The following LAMC2 variants were observed in gnomAD, a reference collection of about 807,000 sequenced individuals.
LAMC2 encodes the protein laminin subunit gamma-2.
LAMC2 carries 97 observed loss-of-function variants against 140.2 expected under a neutral mutation model. The ratio of observed to expected loss-of-function variants is 0.69; its 90% confidence interval spans 0.59 to 0.82. The LOEUF is 0.82. Among genes scored for constraint, LAMC2 ranks in the 40% least tolerant of loss-of-function variants. The pLI is 0.00. For synonymous variants in LAMC2, 513 were observed against 540.2 expected (o/e 0.95, Z 0.70); for missense variants, 1,402 against 1,476.1 (o/e 0.95, Z 0.82).
the LAMC2 span, among the ~76,000 whole-genome samples, chr1:183,258,641 T>A: frequency 1.3e-5 from 2 of 152,160 alleles, no homozygotes; most frequent in African/African-American, 4.8e-5. Flanking sequence ...AAATTACGGT[T>A]TAGGAGTCAT....
At chr1:183,224,695 C>CACACACACAG (rs1041559613) in intron 7 of LAMC2, among the ~76,000 whole-genome samples, 1 of 152,082 alleles carries the variant, frequency 6.6e-6, no homozygotes, top group African/African-American at 2.4e-5. Context: ...CACACACACA[C>CACACACACAG]ACACACACAC....
intron 1 of LAMC2, among the ~76,000 whole-genome samples, chr1:183,194,514 G>GTT (rs765168801): frequency 2.0e-5 from 3 of 150,714 alleles, no homozygotes; most frequent in Non-Finnish European, 3.0e-5. Flanking sequence ...AAGATTTATT[G>GTT]TTTTTTTTTA....
intron 4 of LAMC2, 104 bp from the exon 5 acceptor site, chr1:183,220,721 G>A: frequency 8.3e-7 from 1 of 1,208,386 alleles, no homozygotes. Flanking sequence ...AAAATTAATA[G>A]GGCCAAATGG....
chr1:183,216,630 G>T (rs969502678), intron 3 of LAMC2, among the ~76,000 whole-genome samples: 1 of 152,136 alleles, frequency 6.6e-6, no homozygotes, highest in Non-Finnish European at 1.5e-5. Flanking sequence ...AGCGCCTCCT[G>T]CTCCATCCCC....
At chr1:183,233,474 G>A (rs556470206) in intron 14 of LAMC2, among the ~76,000 whole-genome samples, 1 of 152,294 alleles carries the variant, frequency 6.6e-6, no homozygotes, top group African/African-American at 2.4e-5. Context: ...GAATAAAGAA[G>A]GTTATGGTAA....
intron 1 of LAMC2, among the ~76,000 whole-genome samples, chr1:183,188,152 C>T (rs375602117): frequency 1.6e-4 from 25 of 152,348 alleles, no homozygotes; most frequent in African/African-American, 5.3e-4. Context: ...ACCACTGAGG[C>T]TCATTGCCAC....
intron 8 of LAMC2, 44 bp from the exon 9 acceptor site, chr1:183,226,654 A>G: frequency 6.6e-7 from 1 of 1,507,790 alleles, no homozygotes; most frequent in Non-Finnish European, 9.2e-7. Flanking sequence ...TGAGATCTTT[A>G]GACTGTACCA....
chr1:183,230,876 C>T (rs1659778094), intron 11 of LAMC2, 85 bp from the exon 12 acceptor site: 2 of 1,488,968 alleles, frequency 1.3e-6, no homozygotes, highest in Non-Finnish European at 1.9e-6. Flanking sequence ...CTGTTGGAGG[C>T]TTGATCTCCT....
At chr1:183,194,876 C>T (rs1021474275) in intron 1 of LAMC2, among the ~76,000 whole-genome samples, 2 of 152,162 alleles carry the variant, frequency 1.3e-5, no homozygotes, top group Non-Finnish European at 2.9e-5. Flanking sequence ...AAATGTATAA[C>T]CCTTTATTTC....
chr1:183,239,934 C>A, intron 20 of LAMC2, 106 bp from the exon 21 acceptor site: 1 of 1,229,346 alleles, frequency 8.1e-7, no homozygotes, highest in Non-Finnish European at 1.2e-6. Flanking sequence ...TAATTTACTC[C>A]ATCAGGGCCC....
intron 1 of LAMC2, among the ~76,000 whole-genome samples, chr1:183,189,718 AAAG>A (rs1357421035): frequency 2.0e-5 from 3 of 152,314 alleles, no homozygotes; most frequent in Non-Finnish European, 4.4e-5. Flanking sequence ...GAGGAAAATC[AAAG>A]AAGAAGAGGG....
At chr1:183,201,096 T>C (rs1386073723) in intron 1 of LAMC2, among the ~76,000 whole-genome samples, 25 of 152,016 alleles carry the variant, frequency 1.6e-4, no homozygotes, top group Admixed American at 1.6e-3. Context: ...AATCAAGGAT[T>C]TGGAGGGAGC....
At chr1:183,227,394 C>T (rs970010172) in intron 9 of LAMC2, 121 bp from the exon 10 acceptor site, 7 of 975,514 alleles carry the variant, frequency 7.2e-6, no homozygotes, top group Admixed American at 5.1e-5. Flanking sequence ...AGTGCTCAGG[C>T]ACTTTGGGGA....
At chr1:183,231,734 G>A (rs1376262736) in intron 12 of LAMC2, among the ~76,000 whole-genome samples, 1 of 152,150 alleles carries the variant, frequency 6.6e-6, no homozygotes, top group African/African-American at 2.4e-5. Flanking sequence ...GAAGACAAAG[G>A]CCCAAACAGA....
At chr1:183,201,454 ACT>A (rs1336904695) in intron 1 of LAMC2, among the ~76,000 whole-genome samples, 1 of 151,698 alleles carries the variant, frequency 6.6e-6, no homozygotes, top group East Asian at 1.9e-4. Flanking sequence ...TGTCAGGGGC[ACT>A]CCCTGCTTCC....
At chr1:183,209,514 G>A (rs1200370603) in intron 2 of LAMC2, among the ~76,000 whole-genome samples, 1 of 152,170 alleles carries the variant, frequency 6.6e-6, no homozygotes, top group Non-Finnish European at 1.5e-5. Context: ...TTGTTGTGTG[G>A]AATTTGCATC....
chr1:183,255,946 G>C, the LAMC2 span, among the ~76,000 whole-genome samples: 1 of 151,894 alleles, frequency 6.6e-6, no homozygotes, highest in African/African-American at 2.4e-5. Flanking sequence ...TTATAGGTGT[G>C]AGCCACCGTG....
At chr1:183,205,142 G>T (rs550031269) in intron 1 of LAMC2, among the ~76,000 whole-genome samples, 14 of 152,292 alleles carry the variant, frequency 9.2e-5, no homozygotes, top group Middle Eastern at 3.4e-3. Flanking sequence ...AATAAGAAAG[G>T]CACAATGAAA....
chr1:183,217,198 T>G (rs1223192534), intron 3 of LAMC2, among the ~76,000 whole-genome samples: 1 of 151,920 alleles, frequency 6.6e-6, no homozygotes, highest in Non-Finnish European at 1.5e-5. Context: ...GAGGAACGGA[T>G]CAGTAGAGAA....
Sources: gnomAD v4.1 joint callset for allele counts (sites outside exome capture counted in the v4.1 genomes callset) on GRCh38, gnomAD v4.1.1 for gene constraint, MANE v1.5 for transcripts, NCBI Gene and HGNC (gene_info 2026-07-23, HGNC 2026-07-21) for gene names.